ZC3H6: variants seen among roughly 807,000 people sequenced by gnomAD.
ZC3H6 encodes zinc finger CCCH-type containing 6.
Under a neutral mutation model 107.7 loss-of-function variants are expected in ZC3H6, and 40 were observed. That is an observed-to-expected ratio of 0.37 (90% CI 0.29 to 0.48). The LOEUF is 0.48. Ranked by LOEUF, ZC3H6 falls within the 20% of genes least tolerant of loss-of-function variation. The pLI is 0.98. For missense variants in ZC3H6, 1,267 were observed against 1,410.4 expected (o/e 0.90, Z 1.63); for synonymous variants, 493 against 487.9 (o/e 1.01, Z -0.14).
intron 1 of ZC3H6, among the ~76,000 whole-genome samples, chr2:112,289,195 G>A (rs1413310065): frequency 1.3e-5 from 2 of 151,412 alleles, no homozygotes; most frequent in Admixed American, 6.6e-5. Context: ...TAGTAGAGAC[G>A]GGGTTTCACC....
In ZC3H6 at chr2:112,324,356, C is replaced by A. The variant is rs984121079; in HGVS notation, c.1545C>A (p.Ser515Arg). 6.2e-7 allele frequency: 1 copy of A among 1,613,854 alleles called. No individual in the cohort carries two copies. Among genetic ancestry groups the A allele is most frequent in the Admixed American group, 1.7e-5 (1 of 60,002 alleles). ...AGPPGLPVPQ[S>R]PPLPPGPPEI... ...CTCCTGGTCTACCAGTGCCACAGAG[C>A]CCACCTTTACCACCTGGTCCACCTG... The change falls in exon 10 of 12, where the codon AGC (serine) becomes AGA (arginine). Residue 515 changes from serine (S) to arginine (R), a missense_variant. Ser to Arg is a moderately radical substitution (Grantham distance 110). This residue lies in a region of ZC3H6 where 925 missense variants were observed against 1,025.7 expected (regional missense o/e 0.90). Coordinates refer to ENST00000409871, the MANE Select transcript of ZC3H6 (RefSeq NM_198581.3).
At chr2:112,310,892 T>C (rs1676580665) in intron 4 of ZC3H6, among the ~76,000 whole-genome samples, 1 of 152,222 alleles carries the variant, frequency 6.6e-6, no homozygotes, top group South Asian at 2.1e-4. Context: ...TATGACTTTA[T>C]TTTTTCTCGA....
intron 1 of ZC3H6, among the ~76,000 whole-genome samples, chr2:112,290,208 A>G (rs116647508): frequency 0.1 from 15,271 of 151,464 alleles, 537 homozygotes; most frequent in Non-Finnish European, 0.15. Context: ...CAAACATTCA[A>G]ATCACTCCTG....
Position 112,324,244 on chromosome 2 carries a change from G to A in ZC3H6, c.1433G>A (p.Ser478Asn), listed in dbSNP as rs777268749. 22 of 1,613,410 alleles carry A rather than the reference G, an allele frequency of 1.4e-5. No homozygotes were observed. The highest frequency in any genetic ancestry group is 3.4e-6 in the Non-Finnish European group (4 of 1,179,496). Reference sequence around the variant, plus strand: ...CAACATATCTATAGTTCTGGGTCAAGTCCAGGTCCTGGACCTAACATGTCT... The same window carrying A: ...CAACATATCTATAGTTCTGGGTCAAATCCAGGTCCTGGACCTAACATGTCT... ...HPQHIYSSGSSPGPGPNMSQG... is the reference protein window; with the variant it reads ...HPQHIYSSGSNPGPGPNMSQG... The change falls in exon 10 of 12, where the codon AGT (serine) becomes AAT (asparagine). Residue 478 changes from serine (S) to asparagine (N), a missense_variant. Around this residue, in one of 3 missense-constraint regions of ZC3H6, gnomAD observed 925 missense variants for 1,025.7 expected, o/e 0.90. Transcript: ENST00000409871.
chr2:112,277,711 A>G (rs901380848), intron 1 of ZC3H6, among the ~76,000 whole-genome samples: 13 of 152,200 alleles, frequency 8.5e-5, no homozygotes, highest in African/African-American at 2.9e-4. Flanking sequence ...TTTCTGAAAC[A>G]AAAAGGTTAG....
At position 112,332,683 on chromosome 2, in the gene ZC3H6, C is replaced by T. The variant is rs1272980983; in HGVS notation, c.*195C>T. 4.6e-6 allele frequency: 2 copies of T among 439,218 alleles called. No homozygotes were observed. Among genetic ancestry groups the T allele is most frequent in the Non-Finnish European group, 7.6e-6 (2 of 264,100 alleles). 27.2% of individuals were successfully genotyped at this position (439,218 alleles called of 1,614,324 possible). On this transcript the variant is annotated 3_prime_UTR_variant, in exon 12 of 12. Coordinates refer to ENST00000409871, the MANE Select transcript of ZC3H6 (RefSeq NM_198581.3). Reference sequence around the variant, plus strand: ...ATAATATTTTTATAACTTTAAGAGACTGTAGTAATTGACCTAAAAACTTAT... The same window carrying T: ...ATAATATTTTTATAACTTTAAGAGATTGTAGTAATTGACCTAAAAACTTAT...
chr2:112,338,454 T>G lies in ZC3H6; in HGVS notation c.*5966T>G, dbSNP rs766823039. 9 of 152,222 alleles carry G rather than the reference T, an allele frequency of 5.9e-5. No individual in the cohort carries two copies. The highest frequency in any genetic ancestry group is 1.3e-4 in the Non-Finnish European group (9 of 68,028). 9.4% of individuals were successfully genotyped at this position (152,222 alleles called of 1,614,324 possible). The stretch of plus-strand genomic sequence containing the variant: ...ATCATGCTACTGTTAGCAAAATTAT[T>G]GTAGGCATAAGGAAGAGCTGTGAGT... On this transcript the variant is annotated 3_prime_UTR_variant, in exon 12 of 12. Transcript: ENST00000409871.
At chr2:112,311,711 A>G (rs1676596031) in intron 4 of ZC3H6, 93 bp from the exon 5 acceptor site, 2 of 1,165,646 alleles carry the variant, frequency 1.7e-6, no homozygotes, top group South Asian at 3.1e-5. Flanking sequence ...ACTGTATATT[A>G]TAGACTATTA....
intron 1 of ZC3H6, among the ~76,000 whole-genome samples, chr2:112,284,038 C>T (rs1348881960): frequency 6.6e-6 from 1 of 152,164 alleles, no homozygotes; most frequent in Non-Finnish European, 1.5e-5. Context: ...AGGTTTCAGC[C>T]TGTGAAGGGA....
At chr2:112,304,021 T>C (rs1379388635) in intron 3 of ZC3H6, among the ~76,000 whole-genome samples, 1 of 152,244 alleles carries the variant, frequency 6.6e-6, no homozygotes, top group Non-Finnish European at 1.5e-5. Context: ...TTACAATGTT[T>C]ACATATTATT....
At chr2:112,290,012 A>T (rs890045201) in intron 1 of ZC3H6, among the ~76,000 whole-genome samples, 8 of 152,196 alleles carry the variant, frequency 5.3e-5, no homozygotes, top group African/African-American at 1.9e-4. Flanking sequence ...AAGTGCTGGG[A>T]TTATAGGCAT....
Position 112,332,407 on chromosome 2 carries a change from T to A in ZC3H6, c.3489T>A (p.Asn1163Lys). The A allele has an allele frequency of 6.2e-7, 1 of 1,613,550 alleles. No individual in the cohort carries two copies. The highest frequency in any genetic ancestry group is 8.5e-7 in the Non-Finnish European group (1 of 1,179,892). ...GACAGGGGAGCCCGACCCCAGATAATGATCCCGGTAGAGAAACAGATGACA... is the reference window on the plus strand; with the variant it reads ...GACAGGGGAGCCCGACCCCAGATAAAGATCCCGGTAGAGAAACAGATGACA... ...QPGQGSPTPD[N>K]DPGRETDDKS... is the part of the protein sequence containing the mutation. The change falls in exon 12 of 12, where the codon AAT (asparagine) becomes AAA (lysine). Residue 1163 changes from asparagine (N) to lysine (K), a missense_variant. Asn to Lys is a moderately conservative substitution (Grantham distance 94). Around this residue, in one of 3 missense-constraint regions of ZC3H6, gnomAD observed 925 missense variants for 1,025.7 expected, o/e 0.90. Coordinates refer to ENST00000409871, the MANE Select transcript of ZC3H6 (RefSeq NM_198581.3).
At chr2:112,277,897 C>G (rs1686456226) in intron 1 of ZC3H6, among the ~76,000 whole-genome samples, 1 of 152,054 alleles carries the variant, frequency 6.6e-6, no homozygotes, top group Non-Finnish European at 1.5e-5. Context: ...TGGTTCTAAA[C>G]CTTCCCTGGG....
Position 112,309,901 on chromosome 2 carries a change from G to T in ZC3H6, c.353G>T (p.Gly118Val). ...IPFTQRGHIS[G>V]SYITSKKGQH... Reference sequence around the variant, plus strand: ...TTCACTTAGCGTGGACATATATCAGGAAGCTACATAACATCAAAGAAGGGT... The same window carrying T: ...TTCACTTAGCGTGGACATATATCAGTAAGCTACATAACATCAAAGAAGGGT... Residue 118 changes from glycine (G) to valine (V), a missense_variant, in exon 4 of 12, where the codon GGA becomes GTA. By Grantham distance (109) the Gly-to-Val change is moderately radical (BLOSUM62 -3). Coordinates refer to ENST00000409871, the MANE Select transcript of ZC3H6 (RefSeq NM_198581.3). 1 of 1,582,320 alleles carries T rather than the reference G, an allele frequency of 6.3e-7. No homozygotes were observed.
chr2:112,292,238 C>G (rs1358926516), intron 1 of ZC3H6, among the ~76,000 whole-genome samples: 1 of 152,202 alleles, frequency 6.6e-6, no homozygotes, highest in East Asian at 1.9e-4. Context: ...CCTATTTTCA[C>G]CATCCCTTAT....
At chr2:112,286,268 A>C in intron 1 of ZC3H6, 3 of 333,296 alleles carry the variant, frequency 9.0e-6, no homozygotes, top group Non-Finnish European at 1.2e-5. Flanking sequence ...AGGATTTTCG[A>C]TGAGCCCTCG....
intron 11 of ZC3H6, among the ~76,000 whole-genome samples, chr2:112,326,476 C>T (rs1416579926): frequency 6.6e-6 from 1 of 152,200 alleles, no homozygotes; most frequent in African/African-American, 2.4e-5. Flanking sequence ...GTTTGTCTTT[C>T]TGTGCCTGGC....
chr2:112,320,160 C>T (rs551096550), intron 7 of ZC3H6, among the ~76,000 whole-genome samples: 22 of 152,094 alleles, frequency 1.4e-4, no homozygotes, highest in Non-Finnish European at 2.9e-4. Flanking sequence ...CTCAATCTCC[C>T]GACCTCAGGT....
intron 1 of ZC3H6, among the ~76,000 whole-genome samples, chr2:112,278,242 GT>G (rs1573942247): frequency 6.6e-6 from 1 of 152,220 alleles, no homozygotes; most frequent in South Asian, 2.1e-4. Flanking sequence ...TGTTATAAAA[GT>G]TTCTGTGAAT....
Sources: allele counts gnomAD v4.1 joint callset (sites outside exome capture counted in the v4.1 genomes callset), GRCh38; gene constraint gnomAD v4.1.1; regional missense constraint gnomAD v4.1.1; transcripts MANE v1.5; gene names NCBI Gene and HGNC (gene_info 2026-07-23, HGNC 2026-07-21).